The following TSC22D2 variants were observed in gnomAD, a reference collection of about 807,000 sequenced individuals.
TSC22D2 encodes the protein TSC22 domain family protein 2.
A neutral mutation model predicts 50.1 loss-of-function variants in TSC22D2; 5 were observed. The ratio of observed to expected loss-of-function variants is 0.10; its 90% CI spans 0.05 to 0.21. The LOEUF is 0.21. Ranked by LOEUF, TSC22D2 falls within the 10% of genes least tolerant of loss-of-function variation. The pLI, the probability that TSC22D2 is intolerant of heterozygous loss-of-function variation, is 1.00. For synonymous variants in TSC22D2, 501 were observed against 450.1 expected (o/e 1.11, Z -1.43); for missense variants, 1,003 against 1,015.5 (o/e 0.99, Z 0.17).
In TSC22D2 at chr3:150,409,087, CGAGAGCTAAAAAG is replaced by C. The variant is rs1719385735; in HGVS notation, c.-261_-249del. On this transcript the variant is annotated 5_prime_UTR_variant, in exon 1 of 3. Coordinates refer to ENST00000688009, the MANE Select transcript of TSC22D2 (RefSeq NM_001303264.2). This position sits in a 1 kb window ranked among gnomAD's most constrained non-coding sequence, Gnocchi z 7.4. Reference sequence around the variant, plus strand: ...GAATTGAATTGAGGCGCCGCGGCTGCGAGAGCTAAAAAGGAAGGAGGAGCCGCCGCGGGACTGA... The same window carrying C: ...GAATTGAATTGAGGCGCCGCGGCTGCGAAGGAGGAGCCGCCGCGGGACTGA... 2.7e-6 allele frequency: 1 copy of C among 365,664 alleles called. No homozygotes were observed. The highest frequency in any genetic ancestry group is 4.1e-5 in the Admixed American group (1 of 24,344). 22.7% of individuals were successfully genotyped at this position (365,664 alleles called of 1,614,324 possible). A position where few individuals can be genotyped will look rare whatever the true frequency, so the allele number is the denominator to read the frequency against.
rs1431288004 is a variant in TSC22D2, at chr3:150,459,559, GTTT to G, written c.*930_*932del. On this transcript the variant is annotated 3_prime_UTR_variant, in exon 3 of 3. Coordinates refer to ENST00000688009, the MANE Select transcript of TSC22D2 (RefSeq NM_001303264.2). ...AAGCAAAGCTGTGTAATGGAGTTTG[GTTT>G]TTTTTTGTTGTTTTTTTTTTTTTGT... 2.4e-5 allele frequency: 3 copies of G among 122,832 alleles called. No individual in the cohort carries two copies. Among genetic ancestry groups the G allele is most frequent in the Non-Finnish European group, 3.6e-5 (2 of 56,174 alleles). 7.6% of individuals were successfully genotyped at this position (122,832 alleles called of 1,614,324 possible).
chr3:150,426,676 G>C (rs932409754), intron 1 of TSC22D2, among the ~76,000 whole-genome samples: 1 of 152,170 alleles, frequency 6.6e-6, no homozygotes, highest in Non-Finnish European at 1.5e-5. Context: ...TGAGAGAACA[G>C]TTGCTAGGTG....
rs540239048 is a variant in TSC22D2, at chr3:150,452,456, AAG to A, written c.1959-4610_1959-4609del. On this transcript the variant is annotated intron_variant, in intron 1 of 2. Coordinates refer to ENST00000688009, the MANE Select transcript of TSC22D2 (RefSeq NM_001303264.2). Reference sequence around the variant, plus strand: ...GTGAAACTCTGTCTCAAAAAAAAAAAAGAGAGAGAGATTAAATTAGATTACCT... The same window carrying A: ...GTGAAACTCTGTCTCAAAAAAAAAAAAGAGAGAGATTAAATTAGATTACCT... Among the ~76,000 whole-genome samples, 3 of 152,156 alleles carry A rather than the reference AAG, an allele frequency of 2.0e-5. No homozygotes were observed. The South Asian group carries it at 6.2e-4, about 32-fold the overall frequency.
intron 1 of TSC22D2, among the ~76,000 whole-genome samples, chr3:150,431,929 T>G (rs1720394334): frequency 6.6e-6 from 1 of 152,238 alleles, no homozygotes; most frequent in Admixed American, 6.5e-5. Flanking sequence ...TGAAGACATT[T>G]TACATCACCA....
chr3:150,461,218 TGTG>T lies in TSC22D2; in HGVS notation c.*2586_*2588del, dbSNP rs1721388686. ...CCATTGTTCAAAAATGCAGAATTAT[TGTG>T]GTGTCTGCCCTCTGCTTTCCCATCA... On this transcript the variant is annotated 3_prime_UTR_variant, in exon 3 of 3. Coordinates refer to ENST00000688009, the MANE Select transcript of TSC22D2 (RefSeq NM_001303264.2). The T allele has an allele frequency of 2.0e-5, 3 of 152,174 alleles. No individual in the cohort carries two copies. Among genetic ancestry groups the T allele is most frequent in the Admixed American group, 1.3e-4 (2 of 15,274 alleles). 9.4% of individuals were successfully genotyped at this position (152,174 alleles called of 1,614,324 possible).
Position 150,461,570 on chromosome 3 carries a change from G to A in TSC22D2, c.*2934G>A, listed in dbSNP as rs891987526. Reference sequence around the variant, plus strand: ...CCTAACTTTCCCCAAATAAAATTTAGTTTGTTCCGATGTGATCTCACAGCT... The same window carrying A: ...CCTAACTTTCCCCAAATAAAATTTAATTTGTTCCGATGTGATCTCACAGCT... On this transcript the variant is annotated 3_prime_UTR_variant, in exon 3 of 3. Coordinates refer to ENST00000688009, the MANE Select transcript of TSC22D2 (RefSeq NM_001303264.2). 6.6e-6 allele frequency: 1 copy of A among 152,154 alleles called. No individual in the cohort carries two copies. The highest frequency in any genetic ancestry group is 6.5e-5 in the Admixed American group (1 of 15,270). 9.4% of individuals were successfully genotyped at this position (152,154 alleles called of 1,614,324 possible). A position where few individuals can be genotyped will look rare whatever the true frequency, so the allele number is the denominator to read the frequency against.
At position 150,439,648 on chromosome 3, in the gene TSC22D2, G is replaced by T. The variant is rs541644897; in HGVS notation, c.1959-17428G>T. On this transcript the variant is annotated intron_variant, in intron 1 of 2. Transcript: ENST00000688009. ...AGAATTTTTTTATGTTCACTTTTCT[G>T]TGAAAGGTTCAGAGCATTTGTCAGA... 1.6e-3 allele frequency among the ~76,000 whole-genome samples: 246 copies of T among 152,120 alleles called. 1 individual carries two copies. The highest frequency in any genetic ancestry group is 2.9e-3 in the Non-Finnish European group (197 of 67,970).
intron 1 of TSC22D2, among the ~76,000 whole-genome samples, chr3:150,424,221 G>GTTCT (rs1720100290): frequency 6.6e-6 from 1 of 152,092 alleles, no homozygotes; most frequent in South Asian, 2.1e-4. Flanking sequence ...TTTTTAAATA[G>GTTCT]TTCTGTAGCC....
intron 1 of TSC22D2, among the ~76,000 whole-genome samples, chr3:150,446,231 G>C (rs1720883057): frequency 6.6e-6 from 1 of 152,100 alleles, no homozygotes. Flanking sequence ...CAGAATGTCT[G>C]ACCCCAGAAT....
rs1289366922 is a variant in TSC22D2 at position 150,409,734 on chromosome 3, C to A, written c.384C>A (p.Ala128=). The change falls in exon 1 of 3, where the codon GCC becomes GCA. Residue 128 remains alanine (A), a synonymous_variant. Transcript: ENST00000688009. This position sits in a 1 kb window ranked among gnomAD's most constrained non-coding sequence, Gnocchi z 7.4. The stretch of plus-strand genomic sequence containing the variant: ...CCCTGGCGGCGGCTGCCACTTCGGC[C>A]CCCGCCCCCGGAGCACCCGGCGGCC... ...ASTLAAAATS[A]PAPGAPGGPQ... The A allele has an allele frequency of 1.2e-6, 2 of 1,600,924 alleles. No individual in the cohort carries two copies. Among genetic ancestry groups the A allele is most frequent in the Non-Finnish European group, 1.7e-6 (2 of 1,177,328 alleles).
At chr3:150,424,572 G>A (rs1464062575) in intron 1 of TSC22D2, among the ~76,000 whole-genome samples, 1 of 152,054 alleles carries the variant, frequency 6.6e-6, no homozygotes, top group African/African-American at 2.4e-5. Context: ...CACCATAGAA[G>A]TTGCCTGTAC....
intron 1 of TSC22D2, among the ~76,000 whole-genome samples, chr3:150,444,406 A>C (rs937645592): frequency 6.6e-6 from 1 of 152,218 alleles, no homozygotes; most frequent in Non-Finnish European, 1.5e-5. Flanking sequence ...TGTAATAAGT[A>C]GACCCTGGAG....
chr3:150,430,745 A>C (rs1720351518), intron 1 of TSC22D2, among the ~76,000 whole-genome samples: 1 of 152,154 alleles, frequency 6.6e-6, no homozygotes, highest in Non-Finnish European at 1.5e-5. Context: ...ATTGCCAAGG[A>C]TTAGAGTAGG....
chr3:150,440,938 G>A (rs1720697641), intron 1 of TSC22D2, among the ~76,000 whole-genome samples: 2 of 151,738 alleles, frequency 1.3e-5, no homozygotes, highest in Non-Finnish European at 2.9e-5. Flanking sequence ...GAAATAGTCT[G>A]CAGAGCTAGT....
In TSC22D2 at chr3:150,462,069, G is replaced by T. The variant is rs965361359; in HGVS notation, c.*3433G>T. On this transcript the variant is annotated 3_prime_UTR_variant, in exon 3 of 3. Transcript: ENST00000688009. ...CAGCCCTCAAAATTGACAATTTGAG[G>T]ACATAATAAGCCAACTGATAATGCA... 7.2e-5 allele frequency: 11 copies of T among 152,078 alleles called. No individual in the cohort carries two copies. Among genetic ancestry groups the T allele is most frequent in the African/African-American group, 2.7e-4 (11 of 41,404 alleles). 9.4% of individuals were successfully genotyped at this position (152,078 alleles called of 1,614,324 possible).
rs191272073 is a variant in TSC22D2, at chr3:150,429,656, T to G, written c.1958+18348T>G. On this transcript the variant is annotated intron_variant, in intron 1 of 2. Transcript: ENST00000688009. ...GTGTAGTGAAGGTAGGTCATTGGGA[T>G]TTTAATGGAAGATGAAAGAAGCCAC... Among the ~76,000 whole-genome samples the G allele has an allele frequency of 1.2e-3, 184 of 152,270 alleles. 1 individual carries two copies. The highest frequency in any genetic ancestry group is 1.0e-3 in the Non-Finnish European group (70 of 67,996).
chr3:150,410,095 G>C lies in TSC22D2; in HGVS notation c.745G>C (p.Val249Leu). The C allele has an allele frequency of 6.2e-7, 1 of 1,612,834 alleles. No individual in the cohort carries two copies. The highest frequency in any genetic ancestry group is 1.1e-5 in the South Asian group (1 of 91,084). Residue 249 changes from valine to leucine, a missense_variant, in exon 1 of 3, where the codon GTG (valine) becomes CTG (leucine). Transcript: ENST00000688009. ...ESGTDSSLTA[V>L]SQLPPSEKMS... The stretch of plus-strand genomic sequence containing the variant: ...GGGAACTGACAGCTCCTTGACTGCT[G>C]TGTCACAGCTACCCCCGTCGGAGAA...
chr3:150,444,858 C>T lies in TSC22D2; in HGVS notation c.1959-12218C>T, dbSNP rs536047085. On this transcript the variant is annotated intron_variant, in intron 1 of 2. Coordinates refer to ENST00000688009, the MANE Select transcript of TSC22D2 (RefSeq NM_001303264.2). ...GATTTTATAGTAGTGCTATTTTTTA[C>T]TTTATGTCAGAATCCCTTTGAATAA... 2.8e-4 allele frequency among the ~76,000 whole-genome samples: 42 copies of T among 152,090 alleles called. No homozygotes were observed. The East Asian group carries it at 7.7e-3, about 28-fold the overall frequency.
chr3:150,438,471 A>G (rs1720618993), intron 1 of TSC22D2: 1 of 156,264 alleles, frequency 6.4e-6, no homozygotes, highest in East Asian at 1.8e-4. Context: ...ATAAGTTAAA[A>G]CTTGGAATTT....
Sources: gnomAD v4.1 joint callset for allele counts (sites outside exome capture counted in the v4.1 genomes callset) on GRCh38, gnomAD v4.1.1 for gene constraint, Gnocchi (gnomAD v3.1) non-coding constraint, MANE v1.5 for transcripts, NCBI Gene and HGNC (gene_info 2026-07-23, HGNC 2026-07-21) for gene names.